The following LMO7 variants were observed in gnomAD, a reference collection of about 807,000 sequenced individuals.
The protein encoded by LMO7 is LIM domain 7, also known as LIM domain only protein 7.
Under a neutral mutation model 206.5 loss-of-function variants are expected in LMO7, and 120 were observed. The observed-to-expected ratio is 0.58, with a 90% confidence interval of 0.50 to 0.68. The LOEUF (loss-of-function observed/expected upper bound fraction) is 0.68, where lower values mean the gene tolerates loss of function less well. Ranked by LOEUF, LMO7 falls within the 30% of genes least tolerant of loss-of-function variation. LMO7 has a pLI of 0.00. For missense variants in LMO7, 1,959 were observed against 1,957.9 expected (o/e 1.00, Z -0.01); for synonymous variants, 706 against 681.5 (o/e 1.04, Z -0.56).
intron 22 of LMO7, 48 bp from the exon 23 acceptor site, chr13:75,841,060 AT>A (rs1429923421): frequency 1.7e-6 from 2 of 1,147,254 alleles, no homozygotes; most frequent in African/African-American, 3.1e-5. Flanking sequence ...AAGATTCCTA[AT>A]GTGAAGAGTT....
chr13:75,807,990 A>G lies in LMO7; in HGVS notation c.1707A>G (p.Glu569=). 1 of 1,613,960 alleles carries G rather than the reference A, an allele frequency of 6.2e-7. No homozygotes were observed. The highest frequency in any genetic ancestry group is 8.5e-7 in the Non-Finnish European group (1 of 1,179,878). Residue 569 remains glutamate (E), a synonymous_variant, in exon 10 of 31, where the codon GAA becomes GAG. Coordinates refer to ENST00000377534, the MANE Select transcript of LMO7 (RefSeq NM_001306080.2). ...CVLERTCPSK[E]KSNSCRILVP... ...TTGAAAGGACATGCCCATCCAAAGA[A>G]AAAAGTAATAGCTGTAGAATATTAG...
In LMO7 at chr13:75,836,432, T is replaced by C. The variant is rs145725046; in HGVS notation, c.3369T>C (p.Asp1123=). The change falls in exon 19 of 31, where the codon GAT becomes GAC. Residue 1123 remains aspartate (D), a synonymous_variant. Coordinates refer to ENST00000377534, the MANE Select transcript of LMO7 (RefSeq NM_001306080.2). ...CCAAAGAAATCAATGGAATTCATGA[T>C]GAAAGCAATGCTTTTGAATCAAAAG... ...IESKEINGIH[D]ESNAFESKAS... The C allele has an allele frequency of 1.1e-5, 17 of 1,534,106 alleles. No homozygotes were observed. The African/African-American group carries it at 1.9e-4, about 17-fold the overall frequency.
In LMO7 at chr13:75,849,117, T is replaced by A. The variant is rs1485530073; in HGVS notation, c.4189T>A (p.Ser1397Thr). 3 of 1,612,618 alleles carry A rather than the reference T, an allele frequency of 1.9e-6. No individual in the cohort carries two copies. Among genetic ancestry groups the A allele is most frequent in the Admixed American group, 1.7e-5 (1 of 60,018 alleles). Residue 1397 changes from serine (S) to threonine (T), a missense_variant, in exon 27 of 31, where the codon TCT becomes ACT. By Grantham distance (58) the Ser-to-Thr change is moderately conservative (BLOSUM62 1). Transcript: ENST00000377534. ...TTTAGACCAAATTGGGAACATGACC[T>A]CTTCACAGAGGAGATCCAAGAAAGA... is the stretch of plus-strand genomic sequence containing the variant. ...KYLDQIGNMT[S>T]SQRRSKKEQV...
At chr13:75,677,705 A>C (rs2040130267) in intron 1 of LMO7, among the ~76,000 whole-genome samples, 1 of 150,740 alleles carries the variant, frequency 6.6e-6, no homozygotes, top group Non-Finnish European at 1.5e-5. Flanking sequence ...GGTTTGTTAC[A>C]TATGTATACA....
intron 3 of LMO7, among the ~76,000 whole-genome samples, chr13:75,729,287 T>A (rs1386336544): frequency 8.6e-5 from 13 of 150,380 alleles, no homozygotes; most frequent in African/African-American, 3.2e-4. Flanking sequence ...TTTGTTTGTA[T>A]CCTCTTTTAT....
intron 12 of LMO7, among the ~76,000 whole-genome samples, chr13:75,817,865 T>C (rs2057199083): frequency 6.6e-6 from 1 of 152,116 alleles, no homozygotes. Context: ...TTAGTTTTGA[T>C]CCTGAAGAAA....
intron 29 of LMO7, among the ~76,000 whole-genome samples, chr13:75,855,615 C>G (rs2060869397): frequency 6.6e-6 from 1 of 152,172 alleles, no homozygotes; most frequent in Non-Finnish European, 1.5e-5. Context: ...TATACATTTA[C>G]AGTACATAAG....
intron 15 of LMO7, among the ~76,000 whole-genome samples, chr13:75,830,958 C>A (rs2058606436): frequency 6.6e-6 from 1 of 151,786 alleles, no homozygotes; most frequent in Non-Finnish European, 1.5e-5. Flanking sequence ...CCTTATATAG[C>A]AAATAGATTC....
At chr13:75,770,669 G>C (rs571575117) in intron 4 of LMO7, among the ~76,000 whole-genome samples, 14 of 152,236 alleles carry the variant, frequency 9.2e-5, no homozygotes, top group Non-Finnish European at 2.1e-4. Context: ...GGAAATCTCT[G>C]TATTATAGCC....
At chr13:75,713,645 T>G (rs1009577425) in intron 2 of LMO7, among the ~76,000 whole-genome samples, 3 of 152,174 alleles carry the variant, frequency 2.0e-5, no homozygotes, top group African/African-American at 4.8e-5. Flanking sequence ...GCTTCATCAA[T>G]AAATCATGAT....
intron 1 of LMO7, among the ~76,000 whole-genome samples, chr13:75,656,933 C>G (rs1034913363): frequency 1.3e-5 from 2 of 152,174 alleles, no homozygotes; most frequent in East Asian, 1.9e-4. Context: ...AAACCCTAGC[C>G]CCCGGTACCG....
chr13:75,636,499 C>T lies in LMO7; in HGVS notation c.-159C>T, dbSNP rs1003933516. On this transcript the variant is annotated 5_prime_UTR_variant, in exon 1 of 31. Transcript: ENST00000377534. ...CGAGACCTTAACGAACTGCAGAGCG[C>T]AACAAAGGGAACTAGAGCCCCGGCG... 1 of 1,485,934 alleles carries T rather than the reference C, an allele frequency of 6.7e-7. No individual in the cohort carries two copies. The highest frequency in any genetic ancestry group is 2.5e-5 in the East Asian group (1 of 40,440). The allele number at this position is 1,485,934 out of a possible 1,614,324, so 92.0% of individuals were successfully genotyped here. A position where few individuals can be genotyped will look rare whatever the true frequency, so the allele number is the denominator to read the frequency against.
chr13:75,706,355 T>A (rs2042651254), intron 1 of LMO7, among the ~76,000 whole-genome samples: 1 of 152,172 alleles, frequency 6.6e-6, no homozygotes, highest in African/African-American at 2.4e-5. Flanking sequence ...TCATAAAAAA[T>A]TTTTGTTTTA....
At chr13:75,711,477 G>T (rs2043116749) in intron 1 of LMO7, among the ~76,000 whole-genome samples, 2 of 152,136 alleles carry the variant, frequency 1.3e-5, no homozygotes, top group African/African-American at 4.8e-5. Context: ...CAATTTCAGA[G>T]CCTGTTATTG....
At chr13:75,648,469 C>A (rs571461399) in intron 1 of LMO7, among the ~76,000 whole-genome samples, 1 of 152,308 alleles carries the variant, frequency 6.6e-6, no homozygotes, top group South Asian at 2.1e-4. Flanking sequence ...CTTCATTCAT[C>A]TTCCTCTGTT....
chr13:75,793,464 C>A (rs1049405410), intron 4 of LMO7, among the ~76,000 whole-genome samples: 3 of 152,114 alleles, frequency 2.0e-5, no homozygotes, highest in Non-Finnish European at 4.4e-5. Flanking sequence ...TCAGTAGAGA[C>A]GGGGTTTCCC....
At chr13:75,699,843 G>A (rs1455199529) in intron 1 of LMO7, among the ~76,000 whole-genome samples, 2 of 152,152 alleles carry the variant, frequency 1.3e-5, no homozygotes, top group African/African-American at 4.8e-5. Flanking sequence ...TCGCCAGGCT[G>A]GAATTTCTTA....
intron 1 of LMO7, among the ~76,000 whole-genome samples, chr13:75,700,366 A>T (rs1053011411): frequency 6.6e-6 from 1 of 152,242 alleles, no homozygotes; most frequent in Non-Finnish European, 1.5e-5. Flanking sequence ...TGCAGTAAAG[A>T]CAGGCCTAAG....
intron 1 of LMO7, among the ~76,000 whole-genome samples, chr13:75,665,436 T>C (rs1273665213): frequency 6.6e-6 from 1 of 152,196 alleles, no homozygotes; most frequent in Non-Finnish European, 1.5e-5. Flanking sequence ...AGATTTACTT[T>C]TGTATTCTTG....
Sources: allele counts gnomAD v4.1 joint callset (sites outside exome capture counted in the v4.1 genomes callset), GRCh38; gene constraint gnomAD v4.1.1; transcripts MANE v1.5; gene names NCBI Gene and HGNC (gene_info 2026-07-23, HGNC 2026-07-21).